Variants in ADCY8 observed in about 807,000 individuals in gnomAD.
The protein encoded by ADCY8 is adenylate cyclase 8.
ADCY8 carries 51 observed loss-of-function variants against 119.7 expected under a neutral mutation model. That is an observed-to-expected ratio of 0.43 (90% CI 0.34 to 0.54). ADCY8 has a LOEUF of 0.54. Among genes scored for constraint, ADCY8 ranks in the 20% least tolerant of loss-of-function variants. ADCY8 has a pLI of 0.03. For missense variants in ADCY8, 1,383 were observed against 1,598.8 expected, an observed-to-expected ratio of 0.87 and a Z score of 2.30; for synonymous variants, 665 against 651.0, an observed-to-expected ratio of 1.02 and a Z score of -0.33.
chr8:130,987,480 AT>A (rs34193529), intron 2 of ADCY8, among the ~76,000 whole-genome samples: 110 of 151,524 alleles, frequency 7.3e-4, no homozygotes, highest in East Asian at 7.0e-3. Flanking sequence ...TTAAATAATT[AT>A]TTTTTTTTGT....
chr8:130,822,539 C>CATGAATCCATGAATCCATGA (rs201840309), intron 12 of ADCY8, among the ~76,000 whole-genome samples: 4 of 19,606 alleles, frequency 2.0e-4, no homozygotes, highest in Non-Finnish European at 4.4e-4. Context: ...TCCATGAATC[C>CATGAATCCATGAATCCATGA]ATCCATCCAT....
At chr8:130,792,291 A>G (rs1257002714) in intron 15 of ADCY8, among the ~76,000 whole-genome samples, 2 of 152,138 alleles carry the variant, frequency 1.3e-5, no homozygotes, top group Non-Finnish European at 2.9e-5. Flanking sequence ...ATTATCTTAT[A>G]TCATAGGTGA....
At chr8:130,833,236 C>T (rs1020241481) in intron 12 of ADCY8, among the ~76,000 whole-genome samples, 1 of 152,128 alleles carries the variant, frequency 6.6e-6, no homozygotes, top group Admixed American at 6.5e-5. Flanking sequence ...GTCAAAAAGA[C>T]CCAAGTTTGA....
intron 2 of ADCY8, among the ~76,000 whole-genome samples, chr8:130,983,272 A>ATC (rs1357428134): frequency 9.2e-5 from 14 of 152,222 alleles, no homozygotes; most frequent in African/African-American, 2.7e-4. Context: ...CTTTTGGTAG[A>ATC]TAAATGCAGC....
At chr8:130,945,701 G>A (rs1821087133) in intron 3 of ADCY8, among the ~76,000 whole-genome samples, 1 of 152,210 alleles carries the variant, frequency 6.6e-6, no homozygotes. Context: ...GGTAACAGAG[G>A]TAGAAAATAA....
chr8:130,861,808 T>A (rs368963065), intron 9 of ADCY8, among the ~76,000 whole-genome samples: 1 of 150,214 alleles, frequency 6.7e-6, no homozygotes, highest in African/African-American at 2.5e-5. Flanking sequence ...ATCTATAGCT[T>A]TTTTTTTTGG....
intron 2 of ADCY8, 137 bp from the exon 3 acceptor site, chr8:130,952,135 A>C: frequency 1.0e-6 from 1 of 989,754 alleles, no homozygotes; most frequent in South Asian, 1.6e-5. Flanking sequence ...CTATGAATAC[A>C]ACAAATATTT....
intron 7 of ADCY8, among the ~76,000 whole-genome samples, chr8:130,902,039 TCA>T (rs1220882122): frequency 6.6e-6 from 1 of 152,210 alleles, no homozygotes; most frequent in Non-Finnish European, 1.5e-5. Flanking sequence ...TTCTTGGCTC[TCA>T]GTTATTAGTA....
chr8:130,895,248 CCAAA>C, intron 7 of ADCY8, among the ~76,000 whole-genome samples: 1 of 152,126 alleles, frequency 6.6e-6, no homozygotes, highest in East Asian at 1.9e-4. Flanking sequence ...TTATGACTCC[CCAAA>C]CAATGACTCA....
intron 4 of ADCY8, among the ~76,000 whole-genome samples, chr8:130,940,474 T>A (rs1055661954): frequency 3.9e-5 from 6 of 152,108 alleles, no homozygotes; most frequent in Non-Finnish European, 7.4e-5. Context: ...AAATACATGG[T>A]TGTATATACG....
intron 11 of ADCY8, among the ~76,000 whole-genome samples, chr8:130,845,210 G>A (rs1817260499): frequency 6.6e-6 from 1 of 152,120 alleles, no homozygotes; most frequent in Non-Finnish European, 1.5e-5. Flanking sequence ...GCTAATCTCT[G>A]AGTGCTGTGG....
At chr8:130,882,974 G>A (rs1026804331) in intron 8 of ADCY8, among the ~76,000 whole-genome samples, 3 of 152,156 alleles carry the variant, frequency 2.0e-5, no homozygotes, top group African/African-American at 7.2e-5. Context: ...TAGGTGGTCT[G>A]TGGCTAGACT....
At chr8:131,039,014 G>A (rs1824258715) in intron 1 of ADCY8, among the ~76,000 whole-genome samples, 1 of 152,188 alleles carries the variant, frequency 6.6e-6, no homozygotes, top group African/African-American at 2.4e-5. Flanking sequence ...TAAGGAATGG[G>A]TCACCTTCTA....
Position 131,040,305 on chromosome 8 carries a change from G to C in ADCY8, c.29C>G (p.Thr10Arg). The change falls in exon 1 of 18, where the codon ACA (threonine) becomes AGA (arginine). Residue 10 changes from threonine to arginine, a missense_variant. Physicochemically the swap from Thr to Arg is moderately conservative, Grantham distance 71. Coordinates refer to ENST00000286355, the MANE Select transcript of ADCY8 (RefSeq NM_001115.3). Reference protein sequence around the residue: MELSDVRCLTGSEELYTIHP... With the variant: MELSDVRCLRGSEELYTIHP... ...GATGGTGTAGAGTTCCTCGCTGCCT[G>C]TAAGGCAGCGCACATCGGAGAGCTC... 2.6e-6 allele frequency: 4 copies of C among 1,543,846 alleles called. No homozygotes were observed. The highest frequency in any genetic ancestry group is 2.6e-6 in the Non-Finnish European group (3 of 1,149,548).
At chr8:130,882,501 G>T (rs180766870) in intron 8 of ADCY8, among the ~76,000 whole-genome samples, 4 of 152,034 alleles carry the variant, frequency 2.6e-5, no homozygotes, top group African/African-American at 9.7e-5. Context: ...TTCTTCGTAC[G>T]AAACCCTGGG....
intron 5 of ADCY8, among the ~76,000 whole-genome samples, chr8:130,930,364 GCC>G (rs1820597360): frequency 6.6e-6 from 1 of 151,396 alleles, no homozygotes; most frequent in South Asian, 2.1e-4. Context: ...CCATTCTCCT[GCC>G]TCAGCCTCTC....
intron 14 of ADCY8, among the ~76,000 whole-genome samples, chr8:130,807,342 ACCT>A (rs1171384078): frequency 1.3e-5 from 2 of 152,090 alleles, no homozygotes; most frequent in African/African-American, 4.8e-5. Context: ...ATCAAATGTC[ACCT>A]CCTTAGAGAG....
chr8:130,891,386 G>A (rs1026050928), intron 7 of ADCY8, among the ~76,000 whole-genome samples: 3 of 152,060 alleles, frequency 2.0e-5, no homozygotes, highest in Non-Finnish European at 4.4e-5. Context: ...GGAAGAGAAG[G>A]CTTCTACTTT....
chr8:130,958,246 G>A (rs1036926146), intron 2 of ADCY8, among the ~76,000 whole-genome samples: 2 of 152,182 alleles, frequency 1.3e-5, no homozygotes, highest in African/African-American at 4.8e-5. Flanking sequence ...TAAGCAAGTG[G>A]GTAGTAAAAA....
Sources: allele counts gnomAD v4.1 joint callset (sites outside exome capture counted in the v4.1 genomes callset), GRCh38; gene constraint gnomAD v4.1.1; transcripts MANE v1.5; gene names NCBI Gene and HGNC (gene_info 2026-07-23, HGNC 2026-07-21).